PRR5L: variants seen among roughly 807,000 people sequenced by gnomAD.
PRR5L encodes proline rich 5 like, also known as proline-rich protein 5-like.
PRR5L carries 21 observed loss-of-function variants against 36.4 expected under a neutral mutation model. The ratio of observed to expected loss-of-function variants is 0.58; its 90% CI spans 0.41 to 0.83. The LOEUF (loss-of-function observed/expected upper bound fraction) is 0.83, where lower values mean the gene tolerates loss of function less well. PRR5L is among the 40% of genes least tolerant of loss of function. The pLI, the probability that PRR5L is intolerant of heterozygous loss-of-function variation, is 0.00. For missense variants in PRR5L, 381 were observed against 473.3 expected (o/e 0.80, Z 1.81); for synonymous variants, 188 against 197.0 (o/e 0.95, Z 0.38).
At chr11:36,358,073 A>G (rs1857047509) in intron 1 of PRR5L, among the ~76,000 whole-genome samples, 1 of 152,210 alleles carries the variant, frequency 6.6e-6, no homozygotes, top group Non-Finnish European at 1.5e-5. Flanking sequence ...AACCCTAATG[A>G]GTGACAGTGG....
intron 1 of PRR5L, among the ~76,000 whole-genome samples, chr11:36,332,977 T>C (rs1856734254): frequency 6.6e-6 from 1 of 151,882 alleles, no homozygotes; most frequent in African/African-American, 2.4e-5. Context: ...AACCATTCAT[T>C]TTTCTCCATG....
chr11:36,383,727 GCT>G (rs1857410230), intron 1 of PRR5L, among the ~76,000 whole-genome samples: 2 of 128,786 alleles, frequency 1.6e-5, no homozygotes, highest in African/African-American at 5.9e-5. Flanking sequence ...ATGGAGTCTC[GCT>G]CTGTCACCCA....
intron 6 of PRR5L, among the ~76,000 whole-genome samples, chr11:36,443,444 G>C (rs922284039): frequency 1.2e-4 from 18 of 152,244 alleles, no homozygotes; most frequent in African/African-American, 4.3e-4. Context: ...TCCAAACCAT[G>C]TCACTGACCT....
intron 1 of PRR5L, among the ~76,000 whole-genome samples, chr11:36,356,464 G>A (rs1445311237): frequency 6.6e-6 from 1 of 152,154 alleles, no homozygotes; most frequent in African/African-American, 2.4e-5. Flanking sequence ...GGCATACCTT[G>A]TTTTATTCTG....
chr11:36,316,080 G>C (rs748599399), intron 1 of PRR5L, among the ~76,000 whole-genome samples: 1 of 152,200 alleles, frequency 6.6e-6, no homozygotes, highest in Non-Finnish European at 1.5e-5. Flanking sequence ...GAGGGGAAGT[G>C]TATTAGTCTA....
rs138067737 is a variant in PRR5L, at chr11:36,411,460, A to AT, written c.246-7789dup. On this transcript the variant is annotated intron_variant, in intron 3 of 8. Transcript: ENST00000530639. The stretch of plus-strand genomic sequence containing the variant: ...AATGTAGACCAGTCAGTGCTTCCCC[A>AT]TTTTTTCCCCCTGTTATGGCTCCTT... Among the ~76,000 whole-genome samples, 1,512 of 151,930 alleles carry AT rather than the reference A, an allele frequency of 1.0e-2. 26 individuals carry two copies. Among genetic ancestry groups the AT allele is most frequent in the African/African-American group, 0.032 (1,308 of 41,422 alleles).
intron 3 of PRR5L, among the ~76,000 whole-genome samples, chr11:36,418,523 G>A (rs989480008): frequency 2.0e-5 from 3 of 152,120 alleles, no homozygotes; most frequent in Non-Finnish European, 2.9e-5. Flanking sequence ...ACTACTACCC[G>A]CGGTGGCTCA....
chr11:36,362,417 C>T (rs1488957482), intron 1 of PRR5L, among the ~76,000 whole-genome samples: 1 of 150,120 alleles, frequency 6.7e-6, no homozygotes, highest in African/African-American at 2.5e-5. Context: ...TTTCACACAT[C>T]ACCCTTGGCG....
intron 3 of PRR5L, among the ~76,000 whole-genome samples, chr11:36,405,104 G>C (rs150765674): frequency 7.3e-4 from 111 of 152,270 alleles, no homozygotes; most frequent in African/African-American, 2.5e-3. Flanking sequence ...GGACAGCTGG[G>C]AGAGGTACAG....
chr11:36,462,297 A>G (rs753769477), intron 8 of PRR5L, 45 bp from the exon 9 acceptor site: 1 of 1,479,544 alleles, frequency 6.8e-7, no homozygotes, highest in Admixed American at 2.5e-5. Context: ...TTAAGCACCA[A>G]TACCCCCTCC....
intron 1 of PRR5L, among the ~76,000 whole-genome samples, chr11:36,332,493 T>C (rs539909644): frequency 7.9e-5 from 12 of 152,304 alleles, no homozygotes; most frequent in South Asian, 2.1e-4. Context: ...TAACCCTCCT[T>C]ACCTAATTTA....
chr11:36,337,476 G>T (rs1856779765), intron 1 of PRR5L, among the ~76,000 whole-genome samples: 1 of 152,138 alleles, frequency 6.6e-6, no homozygotes, highest in Non-Finnish European at 1.5e-5. Context: ...AAATTACTCA[G>T]CCTAGGGCAT....
At chr11:36,448,847 C>T (rs150933326) in intron 7 of PRR5L, among the ~76,000 whole-genome samples, 38 of 151,920 alleles carry the variant, frequency 2.5e-4, no homozygotes, top group Admixed American at 2.4e-3. Flanking sequence ...GAGAAGGTGG[C>T]GACTTTTCTC....
intron 1 of PRR5L, among the ~76,000 whole-genome samples, chr11:36,336,151 A>G (rs1219680569): frequency 6.6e-6 from 1 of 152,202 alleles, no homozygotes; most frequent in African/African-American, 2.4e-5. Flanking sequence ...CATTTTTGCC[A>G]TATCTGCCAA....
intron 8 of PRR5L, among the ~76,000 whole-genome samples, chr11:36,452,915 A>C (rs1858973480): frequency 6.6e-6 from 1 of 152,248 alleles, no homozygotes; most frequent in Non-Finnish European, 1.5e-5. Context: ...GGTCACACCC[A>C]GGGAGTCAGT....
intron 6 of PRR5L, among the ~76,000 whole-genome samples, chr11:36,441,485 C>T (rs1020146764): frequency 2.6e-5 from 4 of 152,250 alleles, no homozygotes; most frequent in Non-Finnish European, 5.9e-5. Flanking sequence ...TCCCAAGGCC[C>T]TGGGCAGCTC....
At chr11:36,343,904 TG>T (rs997907879) in intron 1 of PRR5L, among the ~76,000 whole-genome samples, 14 of 131,746 alleles carry the variant, frequency 1.1e-4, no homozygotes, top group Non-Finnish European at 1.9e-4. Flanking sequence ...AGTTTTATGT[TG>T]TTTTTTTTTT....
intron 1 of PRR5L, among the ~76,000 whole-genome samples, chr11:36,387,975 C>T (rs1196631297): frequency 1.3e-5 from 2 of 152,144 alleles, no homozygotes; most frequent in East Asian, 3.9e-4. Flanking sequence ...AGGCTTATAT[C>T]CTAAGATGGC....
intron 1 of PRR5L, among the ~76,000 whole-genome samples, chr11:36,374,047 C>CTCCTTCCTTCCTTCCT (rs59668248): frequency 1.9e-4 from 22 of 117,832 alleles, no homozygotes; most frequent in African/African-American, 6.4e-4. Flanking sequence ...TAATTTTTTC[C>CTCCTTCCTTCCTTCCT]TCCTTCCTTC....
Sources: gnomAD v4.1 joint callset for allele counts (sites outside exome capture counted in the v4.1 genomes callset) on GRCh38, gnomAD v4.1.1 for gene constraint, MANE v1.5 for transcripts, NCBI Gene and HGNC (gene_info 2026-07-23, HGNC 2026-07-21) for gene names.